RHOBTB1: variants seen among roughly 807,000 people sequenced by gnomAD.
RHOBTB1 encodes the protein rho-related BTB domain-containing protein 1.
Under a neutral mutation model 71.6 loss-of-function variants are expected in RHOBTB1, and 40 were observed. The observed-to-expected ratio is 0.56, with a 90% CI of 0.43 to 0.73. The LOEUF (loss-of-function observed/expected upper bound fraction) is 0.73, where lower values mean the gene tolerates loss of function less well. RHOBTB1 is among the 30% of genes least tolerant of loss of function. The pLI is 0.00. For synonymous variants in RHOBTB1, 319 were observed against 334.9 expected (o/e 0.95, Z 0.52); for missense variants, 797 against 894.0 (o/e 0.89, Z 1.38).
chr10:60,918,303 T>C (rs1056752095), intron 2 of RHOBTB1, among the ~76,000 whole-genome samples: 1 of 152,192 alleles, frequency 6.6e-6, no homozygotes, highest in Admixed American at 6.5e-5. Flanking sequence ...CCTCTTCAAA[T>C]CATTTCCCTT....
At chr10:60,936,083 T>G (rs929960423) in intron 2 of RHOBTB1, among the ~76,000 whole-genome samples, 7 of 152,264 alleles carry the variant, frequency 4.6e-5, no homozygotes, top group African/African-American at 1.7e-4. Flanking sequence ...TGAAAAATAT[T>G]CTTTCAGTAT....
intron 9 of RHOBTB1, among the ~76,000 whole-genome samples, chr10:60,873,236 G>T (rs1410132495): frequency 6.6e-6 from 1 of 152,152 alleles, no homozygotes; most frequent in East Asian, 1.9e-4. Context: ...CTGCCAGGTG[G>T]GTTTGTTCCA....
At chr10:60,962,467 T>C (rs545886908) in intron 2 of RHOBTB1, among the ~76,000 whole-genome samples, 5 of 152,180 alleles carry the variant, frequency 3.3e-5, no homozygotes, top group Non-Finnish European at 7.4e-5. Context: ...GTCGAAAGTA[T>C]TTATAAAGTC....
chr10:60,862,559 C>CTTCT, the RHOBTB1 span, among the ~76,000 whole-genome samples: 1 of 147,934 alleles, frequency 6.8e-6, no homozygotes, highest in Non-Finnish European at 1.5e-5. Flanking sequence ...TCTTTCCTTT[C>CTTCT]TTCTTTCTTT....
At chr10:60,937,381 T>C (rs987304839) in intron 2 of RHOBTB1, among the ~76,000 whole-genome samples, 7 of 152,200 alleles carry the variant, frequency 4.6e-5, no homozygotes, top group South Asian at 2.1e-4. Context: ...TACTCAATAC[T>C]ACAGTGAATT....
chr10:60,931,820 G>T (rs376350761), intron 2 of RHOBTB1, among the ~76,000 whole-genome samples: 1 of 152,072 alleles, frequency 6.6e-6, no homozygotes, highest in South Asian at 2.1e-4. Context: ...ATCAGACACA[G>T]AAATTGAACC....
chr10:60,912,041 G>C (rs933299230), intron 2 of RHOBTB1, among the ~76,000 whole-genome samples: 1 of 152,110 alleles, frequency 6.6e-6, no homozygotes, highest in African/African-American at 2.4e-5. Flanking sequence ...GTTTTCTATA[G>C]GTTCAAAACT....
At chr10:60,959,745 A>G (rs1433723025) in intron 2 of RHOBTB1, among the ~76,000 whole-genome samples, 1 of 152,176 alleles carries the variant, frequency 6.6e-6, no homozygotes. Context: ...TGCAACTAAA[A>G]AATAACTAGA....
At chr10:60,923,270 T>C (rs2083671139) in intron 2 of RHOBTB1, among the ~76,000 whole-genome samples, 1 of 152,146 alleles carries the variant, frequency 6.6e-6, no homozygotes, top group Admixed American at 6.5e-5. Flanking sequence ...AAACATGCTA[T>C]ATAAAACAGC....
chr10:60,867,515 C>T (rs540923503), downstream of RHOBTB1, among the ~76,000 whole-genome samples: 1 of 152,212 alleles, frequency 6.6e-6, no homozygotes, highest in Non-Finnish European at 1.5e-5. Flanking sequence ...AGAGGCAAGT[C>T]GCTTCACGTC....
upstream of RHOBTB1, among the ~76,000 whole-genome samples, chr10:60,948,214 G>A (rs1349373203): frequency 6.6e-6 from 1 of 151,994 alleles, no homozygotes; most frequent in Non-Finnish European, 1.5e-5. Context: ...TACATTCTGG[G>A]GTGGTAGAAT....
At chr10:60,979,066 G>C (rs1249211591) in intron 2 of RHOBTB1, among the ~76,000 whole-genome samples, 2 of 152,128 alleles carry the variant, frequency 1.3e-5, no homozygotes, top group African/African-American at 2.4e-5. Context: ...CTTGTCATCA[G>C]TAGGTAGGTA....
At chr10:60,954,592 A>G (rs2085522639) in intron 2 of RHOBTB1, among the ~76,000 whole-genome samples, 1 of 152,190 alleles carries the variant, frequency 6.6e-6, no homozygotes, top group African/African-American at 2.4e-5. Flanking sequence ...CCAAGAGATT[A>G]TTCAGTTTGT....
At chr10:60,885,185 A>C (rs1015688691) in intron 7 of RHOBTB1, among the ~76,000 whole-genome samples, 2 of 152,256 alleles carry the variant, frequency 1.3e-5, no homozygotes, top group African/African-American at 4.8e-5. Context: ...AAATGTTCTC[A>C]TCACAAAGAA....
chr10:60,995,286 T>C (rs546862416), intron 1 of RHOBTB1, among the ~76,000 whole-genome samples: 1 of 152,244 alleles, frequency 6.6e-6, no homozygotes, highest in Admixed American at 6.5e-5. Flanking sequence ...GAGGAAGGGA[T>C]GTTACTACTT....
intron 2 of RHOBTB1, among the ~76,000 whole-genome samples, chr10:60,937,437 AT>A (rs1265325988): frequency 3.9e-5 from 6 of 152,294 alleles, no homozygotes; most frequent in African/African-American, 1.4e-4. Flanking sequence ...GAAAGCAAAA[AT>A]TTTCTACTGG....
chr10:60,892,718 G>T, intron 5 of RHOBTB1, 92 bp downstream of exon 5: 4 of 1,127,494 alleles, frequency 3.5e-6, no homozygotes, highest in Non-Finnish European at 1.3e-6. Context: ...ATCCAGGAGT[G>T]TTGAAGAGCA....
chr10:60,888,126 G>C, intron 6 of RHOBTB1, 86 bp downstream of exon 6: 1 of 1,434,814 alleles, frequency 7.0e-7, no homozygotes, highest in Non-Finnish European at 9.4e-7. Flanking sequence ...GTTAGCTATC[G>C]TTCTTCTTTC....
chr10:60,976,298 C>A (rs935280483), intron 2 of RHOBTB1, among the ~76,000 whole-genome samples: 44 of 151,428 alleles, frequency 2.9e-4, no homozygotes, highest in African/African-American at 9.9e-4. Flanking sequence ...TTGAAATGCT[C>A]CTTTTGACTA....
Sources: gnomAD v4.1 joint callset for allele counts (sites outside exome capture counted in the v4.1 genomes callset) on GRCh38, gnomAD v4.1.1 for gene constraint, MANE v1.5 for transcripts, NCBI Gene and HGNC (gene_info 2026-07-23, HGNC 2026-07-21) for gene names.